Variants in PIGN observed in about 807,000 individuals in gnomAD.
PIGN encodes phosphatidylinositol glycan anchor biosynthesis class N, also known as GPI ethanolamine phosphate transferase 1.
PIGN carries 117 observed loss-of-function variants against 125.4 expected under a neutral mutation model. The observed-to-expected ratio is 0.93, with a 90% confidence interval of 0.80 to 1.09. PIGN has a LOEUF of 1.09. Ranked by LOEUF, PIGN falls within the 50% of genes least tolerant of loss-of-function variation. The pLI, the probability that PIGN is intolerant of heterozygous loss-of-function variation, is 0.00. For synonymous variants in PIGN, 392 were observed against 377.8 expected, an observed-to-expected ratio of 1.04 and a Z score of -0.44; for missense variants, 1,075 against 1,094.9, an observed-to-expected ratio of 0.98 and a Z score of 0.26.
intron 30 of PIGN, among the ~76,000 whole-genome samples, chr18:62,060,022 C>G (rs1483543530): frequency 1.3e-5 from 2 of 152,194 alleles, no homozygotes; most frequent in Non-Finnish European, 2.9e-5. Context: ...AGGCATTCCA[C>G]AGATCACTCA....
intron 4 of PIGN, among the ~76,000 whole-genome samples, chr18:62,158,943 G>C (rs2036839238): frequency 6.6e-6 from 1 of 152,202 alleles, no homozygotes; most frequent in Non-Finnish European, 1.5e-5. Flanking sequence ...CATTAGTTTA[G>C]ATCACGTTTT....
chr18:62,042,988 T>C lies in PIGN; in HGVS notation c.*2868A>G, dbSNP rs1234380523. On this transcript the variant is annotated 3_prime_UTR_variant, in exon 31 of 31. Coordinates refer to ENST00000640252, the MANE Select transcript of PIGN (RefSeq NM_176787.5). Reference sequence around the variant, plus strand: ...GGAAAATGCTACAAAGATATTGCCATAGTACTGAAAGCACACAGCATAACA... The same window carrying C: ...GGAAAATGCTACAAAGATATTGCCACAGTACTGAAAGCACACAGCATAACA... 6.6e-6 allele frequency: 1 copy of C among 151,048 alleles called. No homozygotes were observed. The highest frequency in any genetic ancestry group is 6.6e-5 in the Admixed American group (1 of 15,196). 9.4% of individuals were successfully genotyped at this position (151,048 alleles called of 1,614,324 possible). A position where few individuals can be genotyped will look rare whatever the true frequency, so the allele number is the denominator to read the frequency against.
intron 4 of PIGN, among the ~76,000 whole-genome samples, chr18:62,159,073 G>A (rs1018602998): frequency 2.0e-5 from 3 of 152,110 alleles, no homozygotes; most frequent in Admixed American, 6.6e-5. Context: ...GTGAAACCCC[G>A]TCTCTACCAA....
At chr18:62,090,035 GA>G (rs1946947270) in intron 24 of PIGN, among the ~76,000 whole-genome samples, 1 of 152,060 alleles carries the variant, frequency 6.6e-6, no homozygotes, top group Non-Finnish European at 1.5e-5. Flanking sequence ...TTTGGATTAG[GA>G]TGACCAGAAA....
At chr18:62,110,906 TG>T (rs2034853502) in intron 16 of PIGN, among the ~76,000 whole-genome samples, 1 of 148,482 alleles carries the variant, frequency 6.7e-6, no homozygotes, top group South Asian at 2.1e-4. Flanking sequence ...ATATATAGCC[TG>T]GTTCTATTTC....
intron 30 of PIGN, among the ~76,000 whole-genome samples, chr18:62,066,345 G>C (rs954910366): frequency 6.6e-6 from 1 of 152,094 alleles, no homozygotes; most frequent in Admixed American, 6.5e-5. Context: ...AATCTCCTTA[G>C]GGCCACAGTG....
intron 1 of PIGN, among the ~76,000 whole-genome samples, chr18:62,173,457 C>G (rs1231031626): frequency 6.6e-6 from 1 of 152,156 alleles, no homozygotes; most frequent in African/African-American, 2.4e-5. Flanking sequence ...GTCTTGAACT[C>G]CTGGGCTGAA....
chr18:62,138,437 T>G, intron 13 of PIGN, 139 bp from the exon 14 acceptor site: 1 of 1,238,866 alleles, frequency 8.1e-7, no homozygotes, highest in Non-Finnish European at 1.1e-6. Flanking sequence ...CTATATTGTT[T>G]CATAAATATT....
At chr18:62,064,545 G>A (rs998230994) in intron 30 of PIGN, among the ~76,000 whole-genome samples, 2 of 152,102 alleles carry the variant, frequency 1.3e-5, no homozygotes, top group Admixed American at 6.5e-5. Context: ...AATAAACCTA[G>A]CTATGCCACA....
chr18:62,157,318 G>A, intron 5 of PIGN, 91 bp from the exon 6 acceptor site: 1 of 626,324 alleles, frequency 1.6e-6, no homozygotes, highest in East Asian at 2.8e-5. Flanking sequence ...AATTACATTA[G>A]TCAGTGAATA....
chr18:62,072,689 G>A lies in PIGN; in HGVS notation c.2656C>T (p.Leu886Phe). 3.1e-6 allele frequency: 5 copies of A among 1,601,106 alleles called. No homozygotes were observed. The highest frequency in any genetic ancestry group is 4.3e-6 in the Non-Finnish European group (5 of 1,174,328). The change falls in exon 30 of 31, where the codon CTT (leucine) becomes TTT (phenylalanine). Residue 886 changes from leucine (L) to phenylalanine (F), a missense_variant. By Grantham distance (22) the Leu-to-Phe change is conservative (BLOSUM62 0). This residue lies in a region of PIGN where 915 missense variants were observed against 908.7 expected (regional missense o/e 1.01). Coordinates refer to ENST00000640252, the MANE Select transcript of PIGN (RefSeq NM_176787.5). ...FFLVKDYGSW[L>F]DIGTSISHYV... ...ATACTATACCTTGTCCCAATATCAA[G>A]CCAGCTGCCATAATCCTTGACCAAG...
Position 62,102,881 on chromosome 18 carries a change from A to G in PIGN, c.1881T>C (p.Val627=), listed in dbSNP as rs370675783. ...ISLVMGAGLL[V]LLLSLCVVTS... ...TTACAACACACAGGGATAACAGAAG[A>G]ACCAGCAAGCCTGCACCCATCCTGT... Residue 627 remains valine (V), a synonymous_variant, in exon 21 of 31, where the codon GTT becomes GTC. Transcript: ENST00000640252. The G allele has an allele frequency of 1.3e-6, 2 of 1,583,946 alleles. No homozygotes were observed. The highest frequency in any genetic ancestry group is 1.7e-6 in the Non-Finnish European group (2 of 1,164,004).
chr18:62,108,089 G>A (rs2034723731), intron 17 of PIGN, among the ~76,000 whole-genome samples: 1 of 152,158 alleles, frequency 6.6e-6, no homozygotes, highest in Admixed American at 6.6e-5. Flanking sequence ...AACAGCTGCA[G>A]AATTTCATCA....
chr18:62,146,092 T>C, intron 9 of PIGN, 67 bp from the exon 10 acceptor site: 1 of 679,276 alleles, frequency 1.5e-6, no homozygotes, highest in Non-Finnish European at 2.4e-6. Flanking sequence ...AAATATTTTT[T>C]AAAATAGTTT....
intron 29 of PIGN, among the ~76,000 whole-genome samples, chr18:62,072,992 A>C (rs1187327455): frequency 2.0e-5 from 3 of 152,202 alleles, no homozygotes; most frequent in African/African-American, 7.2e-5. Flanking sequence ...GCCAACATCA[A>C]TAAAAAAAAC....
intron 10 of PIGN, among the ~76,000 whole-genome samples, chr18:62,144,854 G>C (rs948079882): frequency 6.6e-6 from 1 of 152,086 alleles, no homozygotes; most frequent in Admixed American, 6.6e-5. Context: ...TGGTTCCAGC[G>C]ACTTGGGAGG....
intron 6 of PIGN, among the ~76,000 whole-genome samples, chr18:62,156,664 T>C (rs955467839): frequency 1.3e-5 from 2 of 152,172 alleles, no homozygotes; most frequent in Non-Finnish European, 2.9e-5. Flanking sequence ...AGCTACTAAC[T>C]TTTAAAATAA....
chr18:62,128,966 C>T (rs1373002508), intron 14 of PIGN, among the ~76,000 whole-genome samples: 2 of 152,140 alleles, frequency 1.3e-5, no homozygotes, highest in African/African-American at 2.4e-5. Context: ...GATCTCCCCA[C>T]TCACTCCCTG....
At chr18:62,057,110 T>C (rs1268995574) in intron 30 of PIGN, among the ~76,000 whole-genome samples, 1 of 152,136 alleles carries the variant, frequency 6.6e-6, no homozygotes, top group African/African-American at 2.4e-5. Flanking sequence ...TTTTTCCAAT[T>C]ATCCCTTTCC....
Sources: allele counts gnomAD v4.1 joint callset (sites outside exome capture counted in the v4.1 genomes callset), GRCh38; gene constraint gnomAD v4.1.1; regional missense constraint gnomAD v4.1.1; transcripts MANE v1.5; gene names NCBI Gene and HGNC (gene_info 2026-07-23, HGNC 2026-07-21).